Variants in CERKL observed in about 807,000 individuals in gnomAD.
CERKL encodes the protein ceramide kinase-like protein.
CERKL carries 61 observed loss-of-function variants against 63.4 expected under a neutral mutation model. The ratio of observed to expected loss-of-function variants is 0.96; its 90% CI spans 0.78 to 1.19. The LOEUF is 1.19. Ranked by LOEUF, CERKL falls within the 50% of genes most tolerant of loss-of-function variation. CERKL has a pLI of 0.00. For synonymous variants in CERKL, 250 were observed against 230.5 expected, an observed-to-expected ratio of 1.08 and a Z score of -0.77; for missense variants, 675 against 655.5, an observed-to-expected ratio of 1.03 and a Z score of -0.33.
At chr2:181,594,113 T>C (rs1193310525) in intron 2 of CERKL, among the ~76,000 whole-genome samples, 2 of 152,128 alleles carry the variant, frequency 1.3e-5, no homozygotes, top group African/African-American at 4.8e-5. Context: ...AGGAGAATAC[T>C]CAGTTCACTT....
chr2:181,646,565 C>T, intron 1 of CERKL, among the ~76,000 whole-genome samples: 1 of 152,080 alleles, frequency 6.6e-6, no homozygotes, highest in East Asian at 1.9e-4. Flanking sequence ...TAGATGAGAA[C>T]CACAGTGTGC....
intron 2 of CERKL, among the ~76,000 whole-genome samples, chr2:181,601,842 TA>T (rs1447279380): frequency 4.6e-5 from 7 of 152,240 alleles, no homozygotes; most frequent in Non-Finnish European, 8.8e-5. Context: ...AAAGTCAATC[TA>T]TTTGCTTTTA....
chr2:181,591,873 A>G (rs1482131302), intron 2 of CERKL, among the ~76,000 whole-genome samples: 1 of 152,148 alleles, frequency 6.6e-6, no homozygotes, highest in African/African-American at 2.4e-5. Context: ...GTTTCCCAAT[A>G]CTGTTCCCCA....
chr2:181,573,477 A>C (rs1055760506), intron 3 of CERKL, among the ~76,000 whole-genome samples: 17 of 152,220 alleles, frequency 1.1e-4, no homozygotes, highest in Admixed American at 7.2e-4. Context: ...TGAAGATGTA[A>C]ACAAGTATAC....
At chr2:181,627,452 C>T (rs1235869826) in intron 1 of CERKL, among the ~76,000 whole-genome samples, 1 of 152,144 alleles carries the variant, frequency 6.6e-6, no homozygotes, top group East Asian at 1.9e-4. Context: ...TGTGATGCTG[C>T]TACTCTTGCT....
chr2:181,564,608 A>G (rs1350551525), intron 4 of CERKL, among the ~76,000 whole-genome samples: 1 of 152,178 alleles, frequency 6.6e-6, no homozygotes, highest in Non-Finnish European at 1.5e-5. Flanking sequence ...TTTACCCAGT[A>G]CAAATACCAG....
At position 181,652,058 on chromosome 2, in the gene CERKL, T is replaced by C. The variant is rs535523546; in HGVS notation, c.238+4711A>G. Among the ~76,000 whole-genome samples, 13 of 152,256 alleles carry C rather than the reference T, an allele frequency of 8.5e-5. No homozygotes were observed. In the South Asian group the frequency reaches 2.5e-3, roughly 29 times the overall value. Reference sequence around the variant, plus strand: ...TGTTCATGGATTGAAATAATTATATTGTTAAAATGGCCATACTACCCAAAG... The same window carrying C: ...TGTTCATGGATTGAAATAATTATATCGTTAAAATGGCCATACTACCCAAAG... On this transcript the variant is annotated intron_variant, in intron 1 of 12. Transcript: ENST00000410087.
intron 10 of CERKL, among the ~76,000 whole-genome samples, chr2:181,545,769 G>A (rs1478751021): frequency 1.3e-5 from 2 of 152,072 alleles, no homozygotes; most frequent in African/African-American, 2.4e-5. Flanking sequence ...AACGTTCATG[G>A]TAGTGTTACT....
At position 181,538,158 on chromosome 2, in the gene CERKL, A is replaced by G; in HGVS notation, c.*26T>C. 1 of 1,444,832 alleles carries G rather than the reference A, an allele frequency of 6.9e-7. No individual in the cohort carries two copies. The highest frequency in any genetic ancestry group is 1.4e-5 in the African/African-American group (1 of 71,690). The allele number at this position is 1,444,832 out of a possible 1,614,324, so 89.5% of individuals were successfully genotyped here. On this transcript the variant is annotated 3_prime_UTR_variant, in exon 13 of 13. Coordinates refer to ENST00000410087, the MANE Select transcript of CERKL (RefSeq NM_201548.5). ...TCTTTATATTAAAATTCTAGTTTGT[A>G]CATTTCTTTTAGAAACAATTACATG... is the stretch of plus-strand genomic sequence containing the variant.
chr2:181,639,824 T>C (rs567189623), intron 1 of CERKL, among the ~76,000 whole-genome samples: 23 of 152,302 alleles, frequency 1.5e-4, no homozygotes, highest in African/African-American at 5.3e-4. Context: ...ACATAGTTTC[T>C]TTGCTAAGGT....
intron 1 of CERKL, among the ~76,000 whole-genome samples, chr2:181,653,931 A>G (rs536709228): frequency 2.6e-5 from 4 of 152,312 alleles, no homozygotes; most frequent in Admixed American, 1.3e-4. Context: ...ACAAGGAAAT[A>G]ATGAAAGTGT....
At chr2:181,631,829 GGT>G (rs1686973654) in intron 1 of CERKL, among the ~76,000 whole-genome samples, 2 of 152,228 alleles carry the variant, frequency 1.3e-5, no homozygotes, top group South Asian at 2.1e-4. Context: ...TTTCTCTAAA[GGT>G]AACCAAGCTG....
At position 181,641,302 on chromosome 2, in the gene CERKL, CAT is replaced by C. The variant is rs1174454591; in HGVS notation, c.238+15465_238+15466del. On this transcript the variant is annotated intron_variant, in intron 1 of 12. Transcript: ENST00000410087. ...GTGTATATATGTATATATGTGTATG[CAT>C]ATATATATATATATATATATATATA... is the stretch of plus-strand genomic sequence containing the variant. Among the ~76,000 whole-genome samples, 468 of 97,018 alleles carry C rather than the reference CAT, an allele frequency of 4.8e-3. 3 individuals carry two copies. The highest frequency in any genetic ancestry group is 0.015 in the African/African-American group (397 of 25,682). 63.6% of individuals were successfully genotyped at this position (97,018 alleles called of 152,430 possible). A position where few individuals can be genotyped will look rare whatever the true frequency, so the allele number is the denominator to read the frequency against.
chr2:181,634,974 T>G (rs1296066319), intron 1 of CERKL, among the ~76,000 whole-genome samples: 1 of 152,178 alleles, frequency 6.6e-6, no homozygotes, highest in Non-Finnish European at 1.5e-5. Context: ...TAAACATTAC[T>G]GACTGAAAAT....
Position 181,547,738 on chromosome 2 carries a change from G to T in CERKL, c.1160-12C>A. On this transcript the variant is annotated splice_polypyrimidine_tract_variant and intron_variant, in intron 9 of 12. Transcript: ENST00000410087. ...TTGATCATTACAGTCTAAAGGTAAT[G>T]AAAGTGATTGGTTATTTTCCCTCAC... 6.2e-7 allele frequency: 1 copy of T among 1,613,642 alleles called. No homozygotes were observed. The highest frequency in any genetic ancestry group is 8.5e-7 in the Non-Finnish European group (1 of 1,179,582).
At chr2:181,627,437 C>T (rs1439568412) in intron 1 of CERKL, among the ~76,000 whole-genome samples, 1 of 152,106 alleles carries the variant, frequency 6.6e-6, no homozygotes, top group Non-Finnish European at 1.5e-5. Flanking sequence ...CCAGGAGTTG[C>T]CTCATGTGAT....
chr2:181,553,429 T>A (rs1380040233), intron 5 of CERKL, among the ~76,000 whole-genome samples: 1 of 152,196 alleles, frequency 6.6e-6, no homozygotes, highest in Non-Finnish European at 1.5e-5. Context: ...TTACCATGGT[T>A]AATTATGAGT....
intron 1 of CERKL, among the ~76,000 whole-genome samples, chr2:181,640,046 T>C (rs80082612): frequency 0.047 from 7,124 of 152,246 alleles, 240 homozygotes; most frequent in Non-Finnish European, 0.072. Flanking sequence ...CATAAGTTCA[T>C]AACACCATGC....
intron 1 of CERKL, among the ~76,000 whole-genome samples, chr2:181,626,370 A>G (rs1053551968): frequency 1.6e-4 from 25 of 152,156 alleles, no homozygotes; most frequent in African/African-American, 5.6e-4. Flanking sequence ...AACAAGAACA[A>G]AAAAGAGATC....
Sources: gnomAD v4.1 joint callset for allele counts (sites outside exome capture counted in the v4.1 genomes callset) on GRCh38, gnomAD v4.1.1 for gene constraint, MANE v1.5 for transcripts, NCBI Gene and HGNC (gene_info 2026-07-23, HGNC 2026-07-21) for gene names.